EPSTI1: variants seen among roughly 807,000 people sequenced by gnomAD.
EPSTI1 encodes the protein epithelial-stromal interaction protein 1.
Under a neutral mutation model 49.9 loss-of-function variants are expected in EPSTI1, and 66 were observed. That is an observed-to-expected ratio of 1.32 (90% CI 1.08 to 1.62). The LOEUF is 1.62. EPSTI1 is among the 40% of genes most tolerant of loss of function. EPSTI1 has a pLI of 0.00. For missense variants in EPSTI1, 394 were observed against 365.5 expected, an observed-to-expected ratio of 1.08 and a Z score of -0.64; for synonymous variants, 137 against 130.7, an observed-to-expected ratio of 1.05 and a Z score of -0.33.
At chr13:42,947,510 A>G (rs2038954175) in intron 6 of EPSTI1, among the ~76,000 whole-genome samples, 1 of 152,202 alleles carries the variant, frequency 6.6e-6, no homozygotes, top group Non-Finnish European at 1.5e-5. Context: ...TCACTTCCAG[A>G]GGTGGTCTCA....
chr13:42,958,227 T>C (rs913343804), intron 5 of EPSTI1, among the ~76,000 whole-genome samples: 9 of 152,080 alleles, frequency 5.9e-5, no homozygotes, highest in African/African-American at 2.2e-4. Flanking sequence ...GATCCACACA[T>C]CTCCTGGGGA....
intron 5 of EPSTI1, among the ~76,000 whole-genome samples, chr13:42,962,859 G>A (rs1323213225): frequency 1.3e-5 from 2 of 152,184 alleles, no homozygotes; most frequent in African/African-American, 4.8e-5. Flanking sequence ...GAAATTAGCT[G>A]TAAATGACCC....
chr13:42,974,519 C>A (rs951149258), intron 1 of EPSTI1, among the ~76,000 whole-genome samples: 1 of 151,568 alleles, frequency 6.6e-6, no homozygotes, highest in Admixed American at 6.6e-5. Flanking sequence ...ATTAGCCGGG[C>A]GTGGTGGTGG....
chr13:42,902,454 C>T (rs1474351246), intron 8 of EPSTI1, among the ~76,000 whole-genome samples: 1 of 152,102 alleles, frequency 6.6e-6, no homozygotes, highest in Non-Finnish European at 1.5e-5. Context: ...CCATCTAGTT[C>T]CAGATTTAAA....
At chr13:42,898,325 T>C (rs999192645) in intron 9 of EPSTI1, among the ~76,000 whole-genome samples, 2 of 152,238 alleles carry the variant, frequency 1.3e-5, no homozygotes, top group Non-Finnish European at 2.9e-5. Context: ...TGAGTAAGAA[T>C]GGACACGGCT....
intron 1 of EPSTI1, among the ~76,000 whole-genome samples, chr13:42,989,478 AACAAG>A (rs1223727549): frequency 2.0e-5 from 3 of 152,094 alleles, no homozygotes; most frequent in Non-Finnish European, 2.9e-5. Context: ...ATTCCCACAA[AACAAG>A]ACAAATCTTT....
intron 7 of EPSTI1, among the ~76,000 whole-genome samples, chr13:42,923,234 G>T (rs1357791045): frequency 6.6e-6 from 1 of 152,228 alleles, no homozygotes; most frequent in African/African-American, 2.4e-5. Flanking sequence ...ACCAGGATAA[G>T]ATTTTTTCAC....
chr13:42,909,665 A>T (rs1248322540), intron 8 of EPSTI1, among the ~76,000 whole-genome samples: 2 of 152,056 alleles, frequency 1.3e-5, no homozygotes, highest in African/African-American at 4.8e-5. Context: ...TGTTAAATGA[A>T]ATAAGCCAGG....
At chr13:42,905,594 G>A (rs1344237869) in intron 8 of EPSTI1, among the ~76,000 whole-genome samples, 1 of 152,180 alleles carries the variant, frequency 6.6e-6, no homozygotes, top group East Asian at 1.9e-4. Flanking sequence ...AAGCATCAAA[G>A]TGCTCTAAGC....
At chr13:42,950,048 A>G (rs1464721413) in intron 6 of EPSTI1, among the ~76,000 whole-genome samples, 4 of 152,248 alleles carry the variant, frequency 2.6e-5, no homozygotes, top group Non-Finnish European at 5.9e-5. Flanking sequence ...TAAGTAGTAA[A>G]TAATTACAGA....
intron 10 of EPSTI1, among the ~76,000 whole-genome samples, chr13:42,892,174 G>T (rs533432603): frequency 6.6e-6 from 1 of 152,358 alleles, no homozygotes; most frequent in South Asian, 2.1e-4. Flanking sequence ...GGCTAAGAAG[G>T]AGTCTGGATC....
chr13:42,940,216 C>T (rs1435066230), intron 6 of EPSTI1, among the ~76,000 whole-genome samples: 2 of 152,102 alleles, frequency 1.3e-5, no homozygotes, highest in Non-Finnish European at 2.9e-5. Context: ...TGCTGAGTAC[C>T]CTATATGCCA....
chr13:42,963,256 T>A lies in EPSTI1; in HGVS notation c.488A>T (p.Lys163Met). The A allele has an allele frequency of 6.2e-7, 1 of 1,612,226 alleles. No individual in the cohort carries two copies. Among genetic ancestry groups the A allele is most frequent in the Non-Finnish European group, 8.5e-7 (1 of 1,178,578 alleles). The change falls in exon 5 of 11, where the codon AAG becomes ATG. Residue 163 changes from lysine (K) to methionine (M), a missense_variant and splice_region_variant. Physicochemically the swap from Lys to Met is moderately conservative, Grantham distance 95 (BLOSUM62 -1). Coordinates refer to ENST00000313624, the MANE Select transcript of EPSTI1 (RefSeq NM_033255.5). ...TGAACTAATCCTCCTCCTCCTTACCTTCTCTCTCTGAATTGCCTTCATTTT... is the reference window on the plus strand; with the variant it reads ...TGAACTAATCCTCCTCCTCCTTACCATCTCTCTCTGAATTGCCTTCATTTT... ...LQKMKAIQREKSNKLEEKKRL... is the reference protein window; with the variant it reads ...LQKMKAIQREMSNKLEEKKRL...
intron 7 of EPSTI1, chr13:42,919,381 C>T (rs1369781088): frequency 6.5e-7 from 1 of 1,531,778 alleles, no homozygotes; most frequent in Non-Finnish European, 9.0e-7. Context: ...TTTTTCTTAG[C>T]TCTAAACACC....
At chr13:42,918,327 G>C (rs1031985897) in intron 7 of EPSTI1, among the ~76,000 whole-genome samples, 2 of 152,128 alleles carry the variant, frequency 1.3e-5, no homozygotes, top group Non-Finnish European at 2.9e-5. Flanking sequence ...CAAGTGTTCT[G>C]TTTATTTGTC....
chr13:42,935,275 A>C (rs976197990), intron 6 of EPSTI1, among the ~76,000 whole-genome samples: 1 of 152,180 alleles, frequency 6.6e-6, no homozygotes, highest in African/African-American at 2.4e-5. Flanking sequence ...CATCTATTTT[A>C]ATTCTTGCGC....
At position 42,931,191 on chromosome 13, in the gene EPSTI1, C is replaced by CT. The variant is rs57488808; in HGVS notation, c.564-4763dup. ...GAGTAGAGCTACCTTTTGCCTACAGCTTTTTTTTTTTTTTTTTTTTTTTTT... is the reference window on the plus strand; with the variant it reads ...GAGTAGAGCTACCTTTTGCCTACAGCTTTTTTTTTTTTTTTTTTTTTTTTTT... On this transcript the variant is annotated intron_variant, in intron 6 of 10. Transcript: ENST00000313624. Among the ~76,000 whole-genome samples, 53 of 77,618 alleles carry CT rather than the reference C, an allele frequency of 6.8e-4. 1 individual carries two copies. Among genetic ancestry groups the CT allele is most frequent in the African/African-American group, 2.4e-3 (49 of 20,342 alleles). The allele number at this position is 77,618 out of a possible 152,430, so 50.9% of individuals were successfully genotyped here.
At chr13:42,900,454 T>C (rs919747137) in intron 8 of EPSTI1, 71 bp from the exon 9 acceptor site, 4 of 1,431,278 alleles carry the variant, frequency 2.8e-6, no homozygotes, top group Admixed American at 1.7e-5. Context: ...CCAAATCAAT[T>C]ACATATTTAA....
chr13:42,917,278 T>C (rs2037856896), intron 8 of EPSTI1, among the ~76,000 whole-genome samples: 1 of 152,212 alleles, frequency 6.6e-6, no homozygotes, highest in African/African-American at 2.4e-5. Flanking sequence ...ACCAGTGCTC[T>C]ATCATCTTCT....
Sources: allele counts gnomAD v4.1 joint callset (sites outside exome capture counted in the v4.1 genomes callset), GRCh38; gene constraint gnomAD v4.1.1; transcripts MANE v1.5; gene names NCBI Gene and HGNC (gene_info 2026-07-23, HGNC 2026-07-21).